PRR7: variants seen among roughly 807,000 people sequenced by gnomAD.
The protein encoded by PRR7 is proline rich 7, synaptic, also known as proline-rich protein 7.
In PRR7, 8 loss-of-function variants were observed where a neutral mutation model predicts 18.5. The observed-to-expected ratio is 0.43, with a 90% CI of 0.25 to 0.78. The LOEUF (loss-of-function observed/expected upper bound fraction) is 0.78, where lower values mean the gene tolerates loss of function less well. Ranked by LOEUF, PRR7 falls within the 30% of genes least tolerant of loss-of-function variation. The probability of loss-of-function intolerance (pLI) is 0.22; values close to 1 mark genes in which losing one functional copy is unlikely to be tolerated. For missense variants in PRR7, 396 were observed against 403.1 expected, an observed-to-expected ratio of 0.98 and a Z score of 0.15; for synonymous variants, 221 against 187.7, an observed-to-expected ratio of 1.18 and a Z score of -1.45.
rs1023104277 is a variant in PRR7 at position 177,454,488 on chromosome 5, C to T, written c.-239-341C>T. Among the ~76,000 whole-genome samples, 6 of 152,186 alleles carry T rather than the reference C, an allele frequency of 3.9e-5. No homozygotes were observed. The highest frequency in any genetic ancestry group is 2.6e-4 in the Admixed American group (4 of 15,290). On this transcript the variant is annotated intron_variant, in intron 2 of 3. Coordinates refer to ENST00000323249, the MANE Select transcript of PRR7 (RefSeq NM_030567.5). The surrounding 1 kb of genome is among the most constrained non-coding windows in gnomAD (Gnocchi z 4.7). ...GAGACGCCTCTTCAGGGACCTGGTGCGCACAGGCTCCTGAAACCCTTTGGC... is the reference window on the plus strand; with the variant it reads ...GAGACGCCTCTTCAGGGACCTGGTGTGCACAGGCTCCTGAAACCCTTTGGC...
intron 1 of PRR7, among the ~76,000 whole-genome samples, chr5:177,447,450 C>T (rs1487984934): frequency 6.6e-6 from 1 of 152,162 alleles, no homozygotes; most frequent in Admixed American, 6.5e-5. Flanking sequence ...CGCAGCAGGG[C>T]TCCTGGGGTG....
In PRR7 at chr5:177,455,287, C is replaced by G. The variant is rs1439580080; in HGVS notation, c.220C>G (p.Pro74Ala). ...GGCCGGGAGCCCCCCGGGCCTGGCGCCGCCGCAGCCACCACCACACCGTAG... is the reference window on the plus strand; with the variant it reads ...GGCCGGGAGCCCCCCGGGCCTGGCGGCGCCGCAGCCACCACCACACCGTAG... ...SLAGSPPGLA[P>A]PQPPPHRSRL... is the part of the protein sequence containing the mutation. Residue 74 changes from proline to alanine, a missense_variant, in exon 3 of 4, where the codon CCG (proline) becomes GCG (alanine). Coordinates refer to ENST00000323249, the MANE Select transcript of PRR7 (RefSeq NM_030567.5). The surrounding 1 kb of genome is among the most constrained non-coding windows in gnomAD (Gnocchi z 6.9). 1 of 1,507,212 alleles carries G rather than the reference C, an allele frequency of 6.6e-7. No individual in the cohort carries two copies. Among genetic ancestry groups the G allele is most frequent in the Non-Finnish European group, 8.8e-7 (1 of 1,135,976 alleles). 93.4% of individuals were successfully genotyped at this position (1,507,212 alleles called of 1,614,324 possible). A position where few individuals can be genotyped will look rare whatever the true frequency, so the allele number is the denominator to read the frequency against.
intron 1 of PRR7, chr5:177,448,534 G>T (rs1013744082): frequency 1.3e-5 from 2 of 152,208 alleles, no homozygotes; most frequent in African/African-American, 4.8e-5. Flanking sequence ...CTTCTCTGGG[G>T]GCAAAGCTCC....
At position 177,450,955 on chromosome 5, in the gene PRR7, G is replaced by A. The variant is rs1217006364; in HGVS notation, c.-324-3001G>A. On this transcript the variant is annotated intron_variant, in intron 1 of 3. Coordinates refer to ENST00000323249, the MANE Select transcript of PRR7 (RefSeq NM_030567.5). This position sits in a 1 kb window ranked among gnomAD's most constrained non-coding sequence, Gnocchi z 6.6. ...GTTAAATGCTAGATTGGCTCCTGAG[G>A]CAGCGTAGTGTTGTGAGGAGTGACT... is the stretch of plus-strand genomic sequence containing the variant. Among the ~76,000 whole-genome samples the A allele has an allele frequency of 6.6e-6, 1 of 152,194 alleles. No homozygotes were observed. Among genetic ancestry groups the A allele is most frequent in the Non-Finnish European group, 1.5e-5 (1 of 68,036 alleles).
At chr5:177,448,366 C>G (rs1469168383) in intron 1 of PRR7, 1 of 152,234 alleles carries the variant, frequency 6.6e-6, no homozygotes, top group Non-Finnish European at 1.5e-5. Flanking sequence ...GAGTGCTCTG[C>G]ATCCATTATC....
rs1002900547 is a variant in PRR7 at position 177,448,682 on chromosome 5, C to T, written c.-325+1722C>T. On this transcript the variant is annotated intron_variant, in intron 1 of 3. Coordinates refer to ENST00000323249, the MANE Select transcript of PRR7 (RefSeq NM_030567.5). ...TTCCTTCTTCCAGCTAAATCAGCCACATTCTTGCTCCCCCAGATGCATTAT... is the reference window on the plus strand; with the variant it reads ...TTCCTTCTTCCAGCTAAATCAGCCATATTCTTGCTCCCCCAGATGCATTAT... 2.6e-5 allele frequency among the ~76,000 whole-genome samples: 4 copies of T among 152,244 alleles called. No individual in the cohort carries two copies. The East Asian group carries it at 7.7e-4, about 29-fold the overall frequency.
In PRR7 at chr5:177,455,699, C is replaced by T. The variant is rs1182191073; in HGVS notation, c.428-25C>T. ...AGGCTGGGAACCGGCGGCCTCACCT[C>T]CTCCGACCGCCTCCCACTCCGCAGC... On this transcript the variant is annotated intron_variant, in intron 3 of 3. Coordinates refer to ENST00000323249, the MANE Select transcript of PRR7 (RefSeq NM_030567.5). The surrounding 1 kb of genome is among the most constrained non-coding windows in gnomAD (Gnocchi z 6.9). The T allele has an allele frequency of 6.5e-7, 1 of 1,544,882 alleles. No individual in the cohort carries two copies.
At position 177,455,790 on chromosome 5, in the gene PRR7, C is replaced by T. The variant is rs774540623; in HGVS notation, c.494C>T (p.Pro165Leu). 6.2e-7 allele frequency: 1 copy of T among 1,611,406 alleles called. No homozygotes were observed. The highest frequency in any genetic ancestry group is 8.5e-7 in the Non-Finnish European group (1 of 1,179,444). ...EAVLMAEPPP[P>L]YSEVLTDTRG... is the part of the protein sequence containing the mutation. Reference sequence around the variant, plus strand: ...GTGCTGATGGCAGAGCCGCCGCCGCCCTATAGCGAGGTGCTCACGGACACG... The same window carrying T: ...GTGCTGATGGCAGAGCCGCCGCCGCTCTATAGCGAGGTGCTCACGGACACG... Residue 165 changes from proline (P) to leucine (L), a missense_variant, in exon 4 of 4, where the codon CCC (proline) becomes CTC (leucine). Pro to Leu is a moderately conservative substitution (Grantham distance 98). Transcript: ENST00000323249. This position sits in a 1 kb window ranked among gnomAD's most constrained non-coding sequence, Gnocchi z 6.9.
rs1756351418 is a variant in PRR7 at position 177,455,222 on chromosome 5, G to T, written c.155G>T (p.Arg52Leu). The T allele has an allele frequency of 6.4e-7, 1 of 1,566,382 alleles. No homozygotes were observed. Reference sequence around the variant, plus strand: ...GAGCGACTGCGCGAGCAGAACCTGCGCGCCCTAGAGCTGGAGCCCCTCGAA... The same window carrying T: ...GAGCGACTGCGCGAGCAGAACCTGCTCGCCCTAGAGCTGGAGCCCCTCGAA... ...QEERLREQNLRALELEPLELE... is the reference protein window; with the variant it reads ...QEERLREQNLLALELEPLELE... Residue 52 changes from arginine to leucine, a missense_variant, in exon 3 of 4, where the codon CGC (arginine) becomes CTC (leucine). Transcript: ENST00000323249. The surrounding 1 kb of genome is among the most constrained non-coding windows in gnomAD (Gnocchi z 6.9).
At position 177,455,850 on chromosome 5, in the gene PRR7, T is replaced by G; in HGVS notation, c.554T>G (p.Leu185Arg). Residue 185 changes from leucine to arginine, a missense_variant, in exon 4 of 4, where the codon CTG (leucine) becomes CGG (arginine). By Grantham distance (102) the Leu-to-Arg change is moderately radical. Transcript: ENST00000323249. The surrounding 1 kb of genome is among the most constrained non-coding windows in gnomAD (Gnocchi z 6.9). ...GLYRKIVTPFLSRRDSAEKQE... is the reference protein window; with the variant it reads ...GLYRKIVTPFRSRRDSAEKQE... ...TACCGCAAGATCGTCACGCCCTTCC[T>G]GAGTCGCCGCGACAGCGCGGAGAAG... 6.2e-7 allele frequency: 1 copy of G among 1,612,016 alleles called. No homozygotes were observed.
intron 1 of PRR7, among the ~76,000 whole-genome samples, chr5:177,452,493 G>A (rs1271968070): frequency 6.6e-6 from 1 of 152,202 alleles, no homozygotes; most frequent in Non-Finnish European, 1.5e-5. Context: ...ACCTATGGTC[G>A]GTTAGATGAG....
chr5:177,449,278 GCTGTGTACA>G lies in PRR7; in HGVS notation c.-325+2324_-325+2332del, dbSNP rs548009036. Among the ~76,000 whole-genome samples, 13 of 152,240 alleles carry G rather than the reference GCTGTGTACA, an allele frequency of 8.5e-5. No individual in the cohort carries two copies. In the South Asian group the frequency reaches 2.7e-3, roughly 32 times the overall value. ...GCAGGTTTTGCTGGGCCGCCTCCAG[GCTGTGTACA>G]CTGTGACACCAGGGGCTGCTTTCTG... On this transcript the variant is annotated intron_variant, in intron 1 of 3. Coordinates refer to ENST00000323249, the MANE Select transcript of PRR7 (RefSeq NM_030567.5). The surrounding 1 kb of genome is among the most constrained non-coding windows in gnomAD (Gnocchi z 4.2).
Position 177,455,375 on chromosome 5 carries a change from A to C in PRR7, c.308A>C (p.His103Pro), listed in dbSNP as rs895181993. 9 of 1,495,238 alleles carry C rather than the reference A, an allele frequency of 6.0e-6. No individual in the cohort carries two copies. The Admixed American group carries it at 1.3e-4, about 22-fold the overall frequency. 92.6% of individuals were successfully genotyped at this position (1,495,238 alleles called of 1,614,324 possible). The change falls in exon 3 of 4, where the codon CAC (histidine) becomes CCC (proline). Residue 103 changes from histidine (H) to proline (P), a missense_variant. His to Pro is a moderately conservative substitution (Grantham distance 77). Transcript: ENST00000323249. This position sits in a 1 kb window ranked among gnomAD's most constrained non-coding sequence, Gnocchi z 6.9. ...CACGTGCACGTGCACCCGCTGCTGCACCACGGGCCCGCGCAGCCGCACGCG... is the reference window on the plus strand; with the variant it reads ...CACGTGCACGTGCACCCGCTGCTGCCCCACGGGCCCGCGCAGCCGCACGCG... ...HPHVHVHPLLHHGPAQPHAHA... is the reference protein window; with the variant it reads ...HPHVHVHPLLPHGPAQPHAHA...
chr5:177,451,284 A>G (rs1290814136), intron 1 of PRR7, among the ~76,000 whole-genome samples: 1 of 152,192 alleles, frequency 6.6e-6, no homozygotes, highest in African/African-American at 2.4e-5. Context: ...TCCTTGAGCC[A>G]AGTGTTCTCA....
Position 177,456,210 on chromosome 5 carries a change from C to A in PRR7, c.*89C>A. On this transcript the variant is annotated 3_prime_UTR_variant, in exon 4 of 4. Coordinates refer to ENST00000323249, the MANE Select transcript of PRR7 (RefSeq NM_030567.5). ...TGCTTCCCTGGACTGCGGGGAGGGG[C>A]GGGGGGAGGGAGGGATTTCTTATCC... 6.1e-6 allele frequency: 7 copies of A among 1,156,490 alleles called. No individual in the cohort carries two copies. The highest frequency in any genetic ancestry group is 4.9e-5 in the South Asian group (2 of 40,560). 71.6% of individuals were successfully genotyped at this position (1,156,490 alleles called of 1,614,324 possible).
intron 1 of PRR7, among the ~76,000 whole-genome samples, chr5:177,453,424 T>C (rs904941750): frequency 6.6e-6 from 1 of 152,190 alleles, no homozygotes; most frequent in Non-Finnish European, 1.5e-5. Flanking sequence ...CGGGCAGAGC[T>C]ATGGTTCCTG....
At position 177,454,281 on chromosome 5, in the gene PRR7, G is replaced by A. The variant is rs1033119694; in HGVS notation, c.-240+241G>A. Reference sequence around the variant, plus strand: ...GGGCCGGTGGCACGCATTACCAGTCGGAGCCACCCGCCTGAGCCCCCCTAC... The same window carrying A: ...GGGCCGGTGGCACGCATTACCAGTCAGAGCCACCCGCCTGAGCCCCCCTAC... On this transcript the variant is annotated intron_variant, in intron 2 of 3. Transcript: ENST00000323249. This position sits in a 1 kb window ranked among gnomAD's most constrained non-coding sequence, Gnocchi z 4.7. Among the ~76,000 whole-genome samples, 1 of 152,162 alleles carries A rather than the reference G, an allele frequency of 6.6e-6. No individual in the cohort carries two copies. The highest frequency in any genetic ancestry group is 2.4e-5 in the African/African-American group (1 of 41,434).
rs1042686334 is a variant in PRR7 at position 177,455,324 on chromosome 5, C to T, written c.257C>T (p.Ala86Val). ...CCACCACACCGTAGCCGCCTGGAGG[C>T]GCCGGCTCACGCGCACTCGCATCCG... ...QPPPHRSRLE[A>V]PAHAHSHPHV... is the part of the protein sequence containing the mutation. Residue 86 changes from alanine to valine, a missense_variant, in exon 3 of 4, where the codon GCG becomes GTG. By Grantham distance (64) the Ala-to-Val change is moderately conservative (BLOSUM62 0). Coordinates refer to ENST00000323249, the MANE Select transcript of PRR7 (RefSeq NM_030567.5). This position sits in a 1 kb window ranked among gnomAD's most constrained non-coding sequence, Gnocchi z 6.9. 3.4e-6 allele frequency: 5 copies of T among 1,485,098 alleles called. No individual in the cohort carries two copies. Among genetic ancestry groups the T allele is most frequent in the Admixed American group, 2.4e-5 (1 of 42,516 alleles). 92.0% of individuals were successfully genotyped at this position (1,485,098 alleles called of 1,614,324 possible).
At chr5:177,452,377 A>C (rs1387468447) in intron 1 of PRR7, among the ~76,000 whole-genome samples, 4 of 152,162 alleles carry the variant, frequency 2.6e-5, no homozygotes, top group Middle Eastern at 3.2e-3. Context: ...ATAGTAAAGG[A>C]GCAGTAAGGG....
Sources: gnomAD v4.1 joint callset for allele counts (sites outside exome capture counted in the v4.1 genomes callset) on GRCh38, gnomAD v4.1.1 for gene constraint, Gnocchi (gnomAD v3.1) non-coding constraint, MANE v1.5 for transcripts, NCBI Gene and HGNC (gene_info 2026-07-23, HGNC 2026-07-21) for gene names.